LPP: variants seen among roughly 807,000 people sequenced by gnomAD.
LPP encodes lipoma-preferred partner.
LPP carries 38 observed loss-of-function variants against 60.4 expected under a neutral mutation model. That is an observed-to-expected ratio of 0.63 (90% CI 0.49 to 0.83). The LOEUF (loss-of-function observed/expected upper bound fraction) is 0.83. Ranked by LOEUF, LPP falls within the 40% of genes least tolerant of loss-of-function variation. The probability of loss-of-function intolerance (pLI) is 0.00; values close to 1 mark genes in which losing one functional copy is unlikely to be tolerated. For missense variants in LPP, 902 were observed against 783.6 expected, an observed-to-expected ratio of 1.15 and a Z score of -1.80; for synonymous variants, 328 against 290.8, an observed-to-expected ratio of 1.13 and a Z score of -1.30.
At chr3:188,479,667 A>T (rs1406903185) in intron 4 of LPP, among the ~76,000 whole-genome samples, 1 of 152,204 alleles carries the variant, frequency 6.6e-6, no homozygotes, top group Non-Finnish European at 1.5e-5. Context: ...GGAGGGAGTG[A>T]TCATAACACA....
At chr3:188,755,512 A>G (rs958222686) in intron 8 of LPP, among the ~76,000 whole-genome samples, 30 of 152,176 alleles carry the variant, frequency 2.0e-4, no homozygotes, top group African/African-American at 7.2e-5. Flanking sequence ...GAAAATAAAT[A>G]TGACAACCCA....
At chr3:188,635,071 C>G (rs1208433784) in intron 7 of LPP, among the ~76,000 whole-genome samples, 1 of 152,040 alleles carries the variant, frequency 6.6e-6, no homozygotes, top group Non-Finnish European at 1.5e-5. Context: ...AGAAGAGTTA[C>G]AACTAGAGTA....
chr3:188,743,827 G>A (rs1271473355), intron 8 of LPP: 1 of 152,032 alleles, frequency 6.6e-6, no homozygotes, highest in East Asian at 1.9e-4. Flanking sequence ...GTGGTAAGAG[G>A]CCAGTTTTCC....
chr3:188,206,636 T>C (rs1444365301), intron 1 of LPP, among the ~76,000 whole-genome samples: 1 of 152,186 alleles, frequency 6.6e-6, no homozygotes, highest in Admixed American at 6.5e-5. Context: ...ATGCTAGTTA[T>C]GTGGAGAGGA....
intron 2 of LPP, among the ~76,000 whole-genome samples, chr3:188,278,951 C>T (rs561140150): frequency 2.0e-5 from 3 of 152,122 alleles, no homozygotes; most frequent in Non-Finnish European, 4.4e-5. Flanking sequence ...AACTGCTTTC[C>T]CATGATTTAT....
chr3:188,485,281 G>A (rs1806019363), intron 5 of LPP, among the ~76,000 whole-genome samples: 1 of 152,070 alleles, frequency 6.6e-6, no homozygotes, highest in African/African-American at 2.4e-5. Context: ...CTCGGGGCTG[G>A]GATCAGATGT....
chr3:188,552,202 CAT>C (rs1220451657), intron 6 of LPP, among the ~76,000 whole-genome samples: 1 of 152,138 alleles, frequency 6.6e-6, no homozygotes, highest in Non-Finnish European at 1.5e-5. Context: ...TTACTGATCA[CAT>C]AGTAGAACTG....
chr3:188,271,088 C>A (rs1156852452), intron 2 of LPP, among the ~76,000 whole-genome samples: 1 of 152,150 alleles, frequency 6.6e-6, no homozygotes, highest in Admixed American at 6.5e-5. Context: ...CTTCCAAATA[C>A]TTTTTGTGGC....
At chr3:188,837,382 CATAATAAT>C (rs1253277541) in intron 9 of LPP, among the ~76,000 whole-genome samples, 2 of 140,394 alleles carry the variant, frequency 1.4e-5, no homozygotes, top group East Asian at 4.1e-4. Context: ...CCATCTCAAA[CATAATAAT>C]AATAATAATA....
intron 2 of LPP, among the ~76,000 whole-genome samples, chr3:188,236,890 AT>A (rs1722112276): frequency 6.6e-6 from 1 of 152,198 alleles, no homozygotes; most frequent in African/African-American, 2.4e-5. Context: ...TGAGACAACA[AT>A]AAAGTTTGCC....
rs10663486 is a variant in LPP, at chr3:188,163,787, C to CAAA, written c.-190+9547_-190+9549dup. Among the ~76,000 whole-genome samples, 177 of 137,570 alleles carry CAAA rather than the reference C, an allele frequency of 1.3e-3. 3 individuals are homozygous for CAAA. Among genetic ancestry groups the CAAA allele is most frequent in the East Asian group, 2.1e-3 (10 of 4,668 alleles). The allele number at this position is 137,570 out of a possible 152,430, so 90.3% of individuals were successfully genotyped here. On this transcript the variant is annotated intron_variant, in intron 1 of 11. Transcript: ENST00000617246. Reference sequence around the variant, plus strand: ...TTTAACCTCGTCTCTACTAAATATACAAAAAAAAAAAAAATTAGCCAGGTG... The same window carrying CAAA: ...TTTAACCTCGTCTCTACTAAATATACAAAAAAAAAAAAAAAAATTAGCCAGGTG...
intron 10 of LPP, among the ~76,000 whole-genome samples, chr3:188,868,927 C>T (rs1225873134): frequency 1.3e-5 from 2 of 152,178 alleles, no homozygotes; most frequent in Admixed American, 6.5e-5. Flanking sequence ...CAGCAAGGAG[C>T]TTGCCAGGAG....
chr3:188,256,271 T>G (rs1423876724), intron 2 of LPP, among the ~76,000 whole-genome samples: 2 of 152,214 alleles, frequency 1.3e-5, no homozygotes, highest in Non-Finnish European at 2.9e-5. Context: ...CCTTAGTTAA[T>G]GAATATTAGC....
At chr3:188,657,255 G>GGTGT (rs1278155637) in intron 7 of LPP, among the ~76,000 whole-genome samples, 1 of 27,714 alleles carries the variant, frequency 3.6e-5, no homozygotes, top group Non-Finnish European at 6.8e-5. Flanking sequence ...GAGCTGTCAA[G>GGTGT]GTGTATATAT....
In LPP at chr3:188,708,341, G is replaced by A. The variant is rs141999977; in HGVS notation, c.1188G>A (p.Leu396=). The change falls in exon 8 of 12, where the codon CTG becomes CTA. Residue 396 remains leucine, a synonymous_variant. Coordinates refer to ENST00000617246, the MANE Select transcript of LPP (RefSeq NM_001375462.1). ...GCCCAGAGGATGAGCTTGAGCACCT[G>A]ACCAAAAAGATGCTGTATGACATGG... is the stretch of plus-strand genomic sequence containing the variant. ...SFRPEDELEH[L]TKKMLYDMEN... The A allele has an allele frequency of 1.9e-6, 3 of 1,614,036 alleles. No individual in the cohort carries two copies. The highest frequency in any genetic ancestry group is 1.7e-5 in the Admixed American group (1 of 59,992).
At position 188,607,416 on chromosome 3, in the gene LPP, TA is replaced by T. The variant is rs1275027370; in HGVS notation, c.430-1743del. 4.5e-3 allele frequency among the ~76,000 whole-genome samples: 219 copies of T among 48,758 alleles called. 2 individuals are homozygous for T. The highest frequency in any genetic ancestry group is 0.01 in the Middle Eastern group (1 of 96). 32.0% of individuals were successfully genotyped at this position (48,758 alleles called of 152,430 possible). On this transcript the variant is annotated intron_variant, in intron 6 of 11. Transcript: ENST00000617246. ...ATATATATATATATATATATATATA[TA>T]ATTTTTTTTTCCTTTGCAGTTTTAC...
chr3:188,359,403 A>T (rs1768581971), intron 3 of LPP, among the ~76,000 whole-genome samples: 1 of 152,016 alleles, frequency 6.6e-6, no homozygotes, highest in Non-Finnish European at 1.5e-5. Context: ...AACCACAAGA[A>T]CTCTAGCTGG....
At chr3:188,337,501 C>T (rs570204818) in intron 2 of LPP, among the ~76,000 whole-genome samples, 1 of 152,330 alleles carries the variant, frequency 6.6e-6, no homozygotes, top group South Asian at 2.1e-4. Context: ...CTGTTTCCAG[C>T]AGATCCCAAG....
At chr3:188,172,318 A>T (rs949491846) in intron 1 of LPP, among the ~76,000 whole-genome samples, 4 of 152,182 alleles carry the variant, frequency 2.6e-5, no homozygotes, top group African/African-American at 9.7e-5. Context: ...TGCCAAAAAT[A>T]CCTCAACTTG....
Sources: gnomAD v4.1 joint callset for allele counts (sites outside exome capture counted in the v4.1 genomes callset) on GRCh38, gnomAD v4.1.1 for gene constraint, MANE v1.5 for transcripts, NCBI Gene and HGNC (gene_info 2026-07-23, HGNC 2026-07-21) for gene names.